KIF11: variants seen among roughly 807,000 people sequenced by gnomAD.
KIF11 encodes kinesin family member 11.
Under a neutral mutation model 121.0 loss-of-function variants are expected in KIF11, and 9 were observed. That is an observed-to-expected ratio of 0.07 (90% CI 0.04 to 0.13). The LOEUF is 0.13. KIF11 is among the 10% of genes least tolerant of loss of function. KIF11 has a pLI of 1.00. For synonymous variants in KIF11, 408 were observed against 421.0 expected, an observed-to-expected ratio of 0.97 and a Z score of 0.38; for missense variants, 846 against 1,217.5, an observed-to-expected ratio of 0.69 and a Z score of 4.54.
chr10:92,635,064 T>C (rs992084905), intron 14 of KIF11, among the ~76,000 whole-genome samples: 20 of 152,212 alleles, frequency 1.3e-4, no homozygotes, highest in African/African-American at 4.6e-4. Context: ...ATTTTATAAT[T>C]GTATGGTTGG....
chr10:92,612,404 T>C (rs542924459), intron 6 of KIF11, among the ~76,000 whole-genome samples: 2 of 152,262 alleles, frequency 1.3e-5, no homozygotes, highest in African/African-American at 4.8e-5. Flanking sequence ...TCCCAAAGTG[T>C]TGGGATTACA....
At chr10:92,620,323 G>T (rs562710951) in intron 9 of KIF11, among the ~76,000 whole-genome samples, 1 of 151,930 alleles carries the variant, frequency 6.6e-6, no homozygotes, top group Non-Finnish European at 1.5e-5. Context: ...CTTGTGATCC[G>T]CCCGCCTCGG....
At chr10:92,628,140 A>T (rs896044061) in intron 10 of KIF11, among the ~76,000 whole-genome samples, 32 of 149,226 alleles carry the variant, frequency 2.1e-4, no homozygotes, top group African/African-American at 7.5e-4. Context: ...CTTGGATGGT[A>T]CTGAACATCC....
Position 92,653,806 on chromosome 10 carries a change from G to A in KIF11, c.*10G>A. ...CCAGATCAACCTTTAATTCACTTGGGGGTTGGCAATTTTATTTTTAAAGAA... is the reference window on the plus strand; with the variant it reads ...CCAGATCAACCTTTAATTCACTTGGAGGTTGGCAATTTTATTTTTAAAGAA... On this transcript the variant is annotated 3_prime_UTR_variant, in exon 22 of 22. Transcript: ENST00000260731. 2.5e-6 allele frequency: 4 copies of A among 1,593,898 alleles called. No homozygotes were observed. Among genetic ancestry groups the A allele is most frequent in the South Asian group, 2.3e-5 (2 of 87,552 alleles).
At chr10:92,622,574 C>T (rs1479969855) in intron 10 of KIF11, among the ~76,000 whole-genome samples, 2 of 151,844 alleles carry the variant, frequency 1.3e-5, no homozygotes, top group African/African-American at 2.4e-5. Context: ...GAGATAGCAG[C>T]ATTGCACTCC....
chr10:92,636,587 G>T (rs1015517896), intron 14 of KIF11, among the ~76,000 whole-genome samples: 5 of 150,276 alleles, frequency 3.3e-5, no homozygotes, highest in Admixed American at 3.3e-4. Flanking sequence ...TTGCACTCCA[G>T]CCTGGGCCAC....
Position 92,593,304 on chromosome 10 carries a change from G to A in KIF11, c.-72G>A, listed in dbSNP as rs1844251794. On this transcript the variant is annotated 5_prime_UTR_variant, in exon 1 of 22. Coordinates refer to ENST00000260731, the MANE Select transcript of KIF11 (RefSeq NM_004523.4). ...ACCAGGGAGACTCCGGCCCCTGTCG[G>A]CCGCCAAGCCCCTCCGCCCCTCACA... is the stretch of plus-strand genomic sequence containing the variant. 1 of 1,494,154 alleles carries A rather than the reference G, an allele frequency of 6.7e-7. No homozygotes were observed. Among genetic ancestry groups the A allele is most frequent in the Non-Finnish European group, 9.1e-7 (1 of 1,100,280 alleles). The allele number at this position is 1,494,154 out of a possible 1,614,324, so 92.6% of individuals were successfully genotyped here.
intron 17 of KIF11, among the ~76,000 whole-genome samples, chr10:92,640,984 C>T (rs528920136): frequency 3.4e-4 from 51 of 149,692 alleles, no homozygotes; most frequent in Non-Finnish European, 6.7e-4. Flanking sequence ...CTGGTCTCAA[C>T]TGATCCTCCT....
rs540250285 is a variant in KIF11, at chr10:92,642,578, A to AT, written c.2267+2686dup. On this transcript the variant is annotated intron_variant, in intron 17 of 21. Coordinates refer to ENST00000260731, the MANE Select transcript of KIF11 (RefSeq NM_004523.4). ...GAAATCTCTAATTGTAGATTTATCT[A>AT]TTTTTTTTATTAGTTCTATCAGTTT... Among the ~76,000 whole-genome samples the AT allele has an allele frequency of 2.9e-4, 44 of 152,010 alleles. No individual in the cohort carries two copies. The South Asian group carries it at 7.3e-3, about 25-fold the overall frequency.
chr10:92,627,541 GA>G (rs1844693500), intron 10 of KIF11, among the ~76,000 whole-genome samples: 1 of 151,990 alleles, frequency 6.6e-6, no homozygotes, highest in East Asian at 1.9e-4. Flanking sequence ...CCTTATCTCA[GA>G]AACATTATTA....
intron 12 of KIF11, among the ~76,000 whole-genome samples, chr10:92,631,547 G>C (rs916338037): frequency 8.0e-5 from 12 of 149,636 alleles, no homozygotes; most frequent in African/African-American, 3.0e-4. Context: ...ATTTTTAGTA[G>C]AGACGGGGTT....
intron 1 of KIF11, chr10:92,597,030 A>G: frequency 2.5e-6 from 1 of 395,016 alleles, no homozygotes; most frequent in East Asian, 7.3e-5. Context: ...GTGTTCCTGG[A>G]TCTCCAAACC....
intron 11 of KIF11, among the ~76,000 whole-genome samples, chr10:92,629,926 C>G (rs1306726664): frequency 6.6e-6 from 1 of 152,188 alleles, no homozygotes; most frequent in East Asian, 1.9e-4. Context: ...CACATTAACA[C>G]TGTTATATTC....
chr10:92,604,692 G>A (rs1442662250), intron 1 of KIF11, among the ~76,000 whole-genome samples: 2 of 152,130 alleles, frequency 1.3e-5, no homozygotes, highest in South Asian at 2.1e-4. Flanking sequence ...GGTTTATCTA[G>A]TGATAAGGGG....
chr10:92,628,061 G>A (rs1239170468), intron 10 of KIF11, among the ~76,000 whole-genome samples: 1 of 152,162 alleles, frequency 6.6e-6, no homozygotes, highest in Non-Finnish European at 1.5e-5. Flanking sequence ...TGGGGGACTG[G>A]TGGTGGTGGG....
intron 18 of KIF11, among the ~76,000 whole-genome samples, chr10:92,647,668 G>A (rs1314136692): frequency 6.6e-6 from 1 of 152,146 alleles, no homozygotes; most frequent in Non-Finnish European, 1.5e-5. Flanking sequence ...TACAGGATTT[G>A]TTTCAAAATA....
intron 17 of KIF11, among the ~76,000 whole-genome samples, chr10:92,640,832 T>A (rs544421046): frequency 5.4e-4 from 82 of 150,808 alleles, no homozygotes; most frequent in African/African-American, 1.9e-3. Flanking sequence ...CTGCAACCTC[T>A]GCCTCCTGAG....
chr10:92,630,412 A>G (rs1393842311), intron 12 of KIF11, 48 bp downstream of exon 12: 1 of 1,217,194 alleles, frequency 8.2e-7, no homozygotes. Flanking sequence ...GAGAATGGGT[A>G]GAAAAAATTT....
chr10:92,630,446 C>A, intron 12 of KIF11, 82 bp downstream of exon 12: 1 of 698,634 alleles, frequency 1.4e-6, no homozygotes, highest in Non-Finnish European at 2.2e-6. Context: ...ATTAAATATT[C>A]TGTTTATTCA....
Sources: allele counts gnomAD v4.1 joint callset (sites outside exome capture counted in the v4.1 genomes callset), GRCh38; gene constraint gnomAD v4.1.1; transcripts MANE v1.5; gene names NCBI Gene and HGNC (gene_info 2026-07-23, HGNC 2026-07-21).